The following HTR1F variants were observed in gnomAD, a reference collection of about 807,000 sequenced individuals.
The protein encoded by HTR1F is 5-hydroxytryptamine (serotonin) receptor 1F, G protein-coupled.
In HTR1F, 17 loss-of-function variants were observed where a neutral mutation model predicts 24.0. The ratio of observed to expected loss-of-function variants is 0.71; its 90% CI spans 0.48 to 1.06. HTR1F has a LOEUF of 1.06. Ranked by LOEUF, HTR1F falls within the 50% of genes least tolerant of loss-of-function variation. The probability of loss-of-function intolerance (pLI) is 0.00; values close to 1 mark genes in which losing one functional copy is unlikely to be tolerated. For synonymous variants in HTR1F, 186 were observed against 156.8 expected (o/e 1.19, Z -1.39); for missense variants, 391 against 427.8 (o/e 0.91, Z 0.76).
At chr3:87,801,566 G>C (rs1703990056) in intron 1 of HTR1F, among the ~76,000 whole-genome samples, 2 of 152,132 alleles carry the variant, frequency 1.3e-5, no homozygotes, top group Non-Finnish European at 2.9e-5. Flanking sequence ...GAAAGGTGGG[G>C]CATCTTGAAG....
At chr3:87,847,101 A>T (rs1007724732) in intron 2 of HTR1F, among the ~76,000 whole-genome samples, 2 of 151,850 alleles carry the variant, frequency 1.3e-5, no homozygotes. Context: ...TACATAAATG[A>T]TCATTCAACA....
chr3:87,893,847 A>G (rs1300441432), intron 2 of HTR1F, among the ~76,000 whole-genome samples: 1 of 152,220 alleles, frequency 6.6e-6, no homozygotes, highest in Non-Finnish European at 1.5e-5. Context: ...CTACATAAGT[A>G]AAGGTGCATA....
At chr3:87,922,489 C>A (rs1283777325) in intron 2 of HTR1F, among the ~76,000 whole-genome samples, 1 of 151,836 alleles carries the variant, frequency 6.6e-6, no homozygotes, top group African/African-American at 2.4e-5. Context: ...GTGATTGTTA[C>A]CTTTGCTGTG....
chr3:87,829,206 T>C (rs1047590797), intron 2 of HTR1F, among the ~76,000 whole-genome samples: 1 of 152,216 alleles, frequency 6.6e-6, no homozygotes, highest in African/African-American at 2.4e-5. Context: ...CATGTCCTTC[T>C]GCCTGTTTGC....
chr3:87,809,153 T>G (rs1575893195), intron 1 of HTR1F, among the ~76,000 whole-genome samples: 1 of 151,776 alleles, frequency 6.6e-6, no homozygotes, highest in Admixed American at 6.6e-5. Context: ...TTTAAAATAG[T>G]CAATATATCA....
rs1348438654 is a variant in HTR1F, at chr3:87,898,567, T to C, written c.-43+76443T>C. Among the ~76,000 whole-genome samples the C allele has an allele frequency of 2.0e-5, 3 of 152,180 alleles. 1 individual carries two copies. Among genetic ancestry groups the C allele is most frequent in the Admixed American group, 2.0e-4 (3 of 15,280 alleles). ...ATTCAATTCTTCTCTAACATTGTAG[T>C]TTAATTAGAAAAAATAATTTTATAT... On this transcript the variant is annotated intron_variant, in intron 2 of 2. Coordinates refer to ENST00000319595, the MANE Select transcript of HTR1F (RefSeq NM_001322209.2).
chr3:87,794,304 G>A (rs1243305094), intron 1 of HTR1F, among the ~76,000 whole-genome samples: 4 of 151,958 alleles, frequency 2.6e-5, no homozygotes, highest in African/African-American at 4.8e-5. Flanking sequence ...TCACCACTTC[G>A]TGCCTTCCCT....
intron 2 of HTR1F, among the ~76,000 whole-genome samples, chr3:87,927,505 CA>C (rs1187314023): frequency 2.0e-5 from 3 of 151,542 alleles, no homozygotes; most frequent in African/African-American, 4.8e-5. Flanking sequence ...ACAGTCACAC[CA>C]AAAAAATGTA....
At chr3:87,959,221 G>C (rs1705008903) in intron 2 of HTR1F, among the ~76,000 whole-genome samples, 1 of 151,678 alleles carries the variant, frequency 6.6e-6, no homozygotes, top group Admixed American at 6.6e-5. Flanking sequence ...CCTACTCTCT[G>C]AGACTCAATT....
At chr3:87,904,589 C>T (rs891150731) in intron 2 of HTR1F, among the ~76,000 whole-genome samples, 1 of 151,848 alleles carries the variant, frequency 6.6e-6, no homozygotes, top group Non-Finnish European at 1.5e-5. Context: ...ACTCACAACC[C>T]AGATGTTCTT....
intron 1 of HTR1F, among the ~76,000 whole-genome samples, chr3:87,795,686 A>G (rs1023777535): frequency 4.6e-5 from 7 of 152,174 alleles, no homozygotes; most frequent in Non-Finnish European, 1.5e-5. Flanking sequence ...TTACTTTTCC[A>G]TTCCCTCAGC....
chr3:87,850,786 T>C (rs1450448477), intron 2 of HTR1F, among the ~76,000 whole-genome samples: 1 of 151,268 alleles, frequency 6.6e-6, no homozygotes, highest in African/African-American at 2.4e-5. Flanking sequence ...AAAGTTTGTA[T>C]GCAGATTTAA....
At chr3:87,866,587 G>T (rs1405258186) in intron 2 of HTR1F, among the ~76,000 whole-genome samples, 1 of 148,954 alleles carries the variant, frequency 6.7e-6, no homozygotes, top group Non-Finnish European at 1.5e-5. Flanking sequence ...CAAGCAGTTT[G>T]CTAGTTTGAT....
chr3:87,954,195 TG>T (rs1336563981), intron 2 of HTR1F, among the ~76,000 whole-genome samples: 1 of 151,778 alleles, frequency 6.6e-6, no homozygotes, highest in Non-Finnish European at 1.5e-5. Flanking sequence ...CTAGAAGACA[TG>T]AATGTTCACA....
chr3:87,882,883 A>T (rs1705839744), intron 2 of HTR1F, among the ~76,000 whole-genome samples: 1 of 152,160 alleles, frequency 6.6e-6, no homozygotes, highest in African/African-American at 2.4e-5. Flanking sequence ...TAAATTTAAA[A>T]AAAAGGCAGC....
intron 2 of HTR1F, among the ~76,000 whole-genome samples, chr3:87,897,681 T>A (rs1220730973): frequency 1.3e-5 from 2 of 152,038 alleles, no homozygotes; most frequent in Non-Finnish European, 2.9e-5. Flanking sequence ...CCTCCCTCTT[T>A]CCTGCCTCTC....
At chr3:87,953,683 G>T (rs1704883731) in intron 2 of HTR1F, among the ~76,000 whole-genome samples, 1 of 151,632 alleles carries the variant, frequency 6.6e-6, no homozygotes, top group Admixed American at 6.6e-5. Context: ...CTCACTACTA[G>T]GTATTTATCA....
chr3:87,911,004 C>A (rs777892206), intron 2 of HTR1F, among the ~76,000 whole-genome samples: 1 of 151,750 alleles, frequency 6.6e-6, no homozygotes, highest in East Asian at 1.9e-4. Flanking sequence ...GCACTAAATG[C>A]CTACATCAAA....
At chr3:87,828,899 C>A (rs1406305794) in intron 2 of HTR1F, among the ~76,000 whole-genome samples, 1 of 152,084 alleles carries the variant, frequency 6.6e-6, no homozygotes, top group African/African-American at 2.4e-5. Context: ...CATCCCTTCC[C>A]AATAACAAAA....
Sources: allele counts gnomAD v4.1 joint callset (sites outside exome capture counted in the v4.1 genomes callset), GRCh38; gene constraint gnomAD v4.1.1; transcripts MANE v1.5; gene names NCBI Gene and HGNC (gene_info 2026-07-23, HGNC 2026-07-21).